The following VPS13C variants were observed in gnomAD, a reference collection of about 807,000 sequenced individuals.
The protein encoded by VPS13C is vacuolar protein sorting 13 homolog C.
VPS13C carries 358 observed loss-of-function variants against 456.8 expected under a neutral mutation model. The observed-to-expected ratio is 0.78, with a 90% CI of 0.72 to 0.86. VPS13C has a LOEUF of 0.86. VPS13C is among the 40% of genes least tolerant of loss of function. The pLI is 0.00. For synonymous variants in VPS13C, 1,578 were observed against 1,486.7 expected, an observed-to-expected ratio of 1.06 and a Z score of -1.41; for missense variants, 4,818 against 4,385.4, an observed-to-expected ratio of 1.10 and a Z score of -2.79.
intron 35 of VPS13C, among the ~76,000 whole-genome samples, chr15:61,960,445 G>C (rs531245057): frequency 6.6e-6 from 1 of 152,022 alleles, no homozygotes; most frequent in Non-Finnish European, 1.5e-5. Context: ...ATTATAATGG[G>C]ACAACTGGTA....
At chr15:61,911,781 T>G (rs996739401) in intron 63 of VPS13C, 59 bp downstream of exon 63, 1 of 1,420,754 alleles carries the variant, frequency 7.0e-7, no homozygotes, top group African/African-American at 1.5e-5. Context: ...AATTCTTATT[T>G]AGATGTCAAT....
chr15:62,035,482 T>G (rs1388684923), intron 3 of VPS13C, among the ~76,000 whole-genome samples: 1 of 151,974 alleles, frequency 6.6e-6, no homozygotes. Flanking sequence ...AGTCTTAATA[T>G]TGCACATGCT....
Position 61,858,340 on chromosome 15 carries a change from ATCTATCTATCTATCTATCTATCTG to A in VPS13C, c.10953-1955_10953-1932del, listed in dbSNP as rs1340579741. Among the ~76,000 whole-genome samples, 11 of 150,708 alleles carry A rather than the reference ATCTATCTATCTATCTATCTATCTG, an allele frequency of 7.3e-5. No individual in the cohort carries two copies. The highest frequency in any genetic ancestry group is 2.2e-4 in the African/African-American group (9 of 40,810). On this transcript the variant is annotated intron_variant, in intron 82 of 84. Coordinates refer to ENST00000644861, the MANE Select transcript of VPS13C (RefSeq NM_020821.3). This position sits in a 1 kb window ranked among gnomAD's most constrained non-coding sequence, Gnocchi z 4.4. ...CAACTATCTATCTATCTATCTATCT[ATCTATCTATCTATCTATCTATCTG>A]TCTATCTATCTCCCTCCCTCCCTAT...
chr15:61,867,494 G>C lies in VPS13C; in HGVS notation c.10863+1165C>G. The stretch of plus-strand genomic sequence containing the variant: ...CTTAAGCAAATTTAGAGCCATTTGT[G>C]AAACAGAAAGCTATGTAATTCCATC... On this transcript the variant is annotated intron_variant, in intron 81 of 84. Coordinates refer to ENST00000644861, the MANE Select transcript of VPS13C (RefSeq NM_020821.3). This position sits in a 1 kb window ranked among gnomAD's most constrained non-coding sequence, Gnocchi z 5.0. The C allele has an allele frequency of 1.0e-6, 1 of 988,492 alleles. No individual in the cohort carries two copies. The highest frequency in any genetic ancestry group is 1.2e-6 in the Non-Finnish European group (1 of 832,254). The allele number at this position is 988,492 out of a possible 1,614,324, so 61.2% of individuals were successfully genotyped here.
At chr15:62,002,324 A>G (rs1205752306) in intron 15 of VPS13C, among the ~76,000 whole-genome samples, 2 of 152,086 alleles carry the variant, frequency 1.3e-5, no homozygotes, top group African/African-American at 4.8e-5. Flanking sequence ...CTTCTTTTGA[A>G]AACTGTCTGT....
At chr15:61,967,540 G>T (rs2045415811) in intron 28 of VPS13C, 93 bp from the exon 29 acceptor site, 2 of 972,796 alleles carry the variant, frequency 2.1e-6, no homozygotes, top group Non-Finnish European at 3.1e-6. Context: ...TGTTAATTAA[G>T]CTTTAAAAGA....
In VPS13C at chr15:61,922,043, T is replaced by C. The variant is rs754013770; in HGVS notation, c.6976-10A>G. 3 of 1,612,450 alleles carry C rather than the reference T, an allele frequency of 1.9e-6. No homozygotes were observed. Among genetic ancestry groups the C allele is most frequent in the East Asian group, 4.5e-5 (2 of 44,842 alleles). ...CATTGTAATAGTGCACCTGGAAAGA[T>C]ACACACAAAATTATAAGACAGTCCT... On this transcript the variant is annotated splice_polypyrimidine_tract_variant and intron_variant, in intron 54 of 84. Transcript: ENST00000644861.
At chr15:62,044,427 G>C (rs888934977) in intron 1 of VPS13C, among the ~76,000 whole-genome samples, 172 bp from the exon 2 acceptor site, 28 of 152,110 alleles carry the variant, frequency 1.8e-4, no homozygotes, top group African/African-American at 6.3e-4. Flanking sequence ...ATGCTCAAGA[G>C]TTATTAATTG....
At position 61,881,732 on chromosome 15, in the gene VPS13C, C is replaced by A. The variant is rs1405275479; in HGVS notation, c.9706+15G>T. ...TAAATAAGGTATATCTATGTCACAA[C>A]TTATTTTATTTTACCTGAATCTAAA... On this transcript the variant is annotated intron_variant, in intron 70 of 84. Coordinates refer to ENST00000644861, the MANE Select transcript of VPS13C (RefSeq NM_020821.3). 6.2e-7 allele frequency: 1 copy of A among 1,607,406 alleles called. No homozygotes were observed. The highest frequency in any genetic ancestry group is 1.1e-5 in the South Asian group (1 of 89,352).
intron 77 of VPS13C, 51 bp downstream of exon 77, chr15:61,874,825 A>T: frequency 1.4e-6 from 2 of 1,460,398 alleles, no homozygotes; most frequent in Non-Finnish European, 1.8e-6. Flanking sequence ...AACGTATTTC[A>T]TAACAATATA....
chr15:61,988,964 T>A (rs1438580266), intron 18 of VPS13C, among the ~76,000 whole-genome samples: 1 of 152,176 alleles, frequency 6.6e-6, no homozygotes, highest in African/African-American at 2.4e-5. Flanking sequence ...TCTAGAAGCA[T>A]AGTTTCATGA....
chr15:61,938,525 A>T (rs1361628323), intron 47 of VPS13C, among the ~76,000 whole-genome samples: 1 of 152,134 alleles, frequency 6.6e-6, no homozygotes, highest in East Asian at 1.9e-4. Context: ...ATCAGCGACA[A>T]ATTAGGCAGT....
intron 81 of VPS13C, chr15:61,865,112 G>A (rs1894451193): frequency 1.0e-6 from 1 of 984,820 alleles, no homozygotes; most frequent in Non-Finnish European, 1.2e-6. Context: ...AATGGCAGCA[G>A]GGAGACCAAA....
intron 22 of VPS13C, among the ~76,000 whole-genome samples, chr15:61,980,201 AAAAAAAAAAAAAG>A (rs2045838087): frequency 6.7e-6 from 1 of 148,824 alleles, no homozygotes; most frequent in African/African-American, 2.5e-5. Context: ...AAAAAAAAAA[AAAAAAAAAAAAAG>A]AGAGAGAGAG....
At chr15:61,954,088 A>G (rs1372620571) in intron 38 of VPS13C, among the ~76,000 whole-genome samples, 1 of 152,154 alleles carries the variant, frequency 6.6e-6, no homozygotes, top group Admixed American at 6.6e-5. Context: ...ATTGTGTTTT[A>G]TTCTATCAAG....
At chr15:61,906,784 T>C (rs987831961) in intron 66 of VPS13C, 2 of 167,124 alleles carry the variant, frequency 1.2e-5, no homozygotes, top group East Asian at 1.7e-4. Context: ...AAATAACATA[T>C]TTAATCAACT....
chr15:62,058,607 C>A (rs1304725260), intron 1 of VPS13C, among the ~76,000 whole-genome samples: 3 of 152,156 alleles, frequency 2.0e-5, no homozygotes, highest in African/African-American at 2.4e-5. Flanking sequence ...AGGGTACATA[C>A]AAATACTAGG....
intron 3 of VPS13C, among the ~76,000 whole-genome samples, chr15:62,039,738 A>G (rs1182229829): frequency 6.6e-6 from 1 of 152,206 alleles, no homozygotes; most frequent in African/African-American, 2.4e-5. Context: ...GAGAAAAGGA[A>G]GACCTTGTAC....
intron 45 of VPS13C, 87 bp downstream of exon 45, chr15:61,945,628 A>C: frequency 9.5e-7 from 1 of 1,053,066 alleles, no homozygotes; most frequent in African/African-American, 1.6e-5. Flanking sequence ...CAGCCTTATC[A>C]GTGAAGATTT....
Sources: gnomAD v4.1 joint callset for allele counts (sites outside exome capture counted in the v4.1 genomes callset) on GRCh38, gnomAD v4.1.1 for gene constraint, Gnocchi (gnomAD v3.1) non-coding constraint, MANE v1.5 for transcripts, NCBI Gene and HGNC (gene_info 2026-07-23, HGNC 2026-07-21) for gene names.